Variants in SIPA1L3 observed in about 807,000 individuals in gnomAD.
SIPA1L3 encodes signal-induced proliferation-associated 1-like protein 3.
SIPA1L3 carries 59 observed loss-of-function variants against 150.1 expected under a neutral mutation model. That is an observed-to-expected ratio of 0.39 (90% CI 0.32 to 0.49). SIPA1L3 has a LOEUF of 0.49. SIPA1L3 is among the 20% of genes least tolerant of loss of function. SIPA1L3 has a pLI of 0.86. For synonymous variants in SIPA1L3, 1,070 were observed against 1,077.6 expected (o/e 0.99, Z 0.14); for missense variants, 2,211 against 2,489.5 (o/e 0.89, Z 2.38).
At chr19:38,182,992 TGC>T (rs1216558220) in intron 16 of SIPA1L3, 6 of 449,282 alleles carry the variant, frequency 1.3e-5, no homozygotes, top group Non-Finnish European at 2.4e-5. Context: ...GTTATCCTTG[TGC>T]CATATCCGGG....
intron 1 of SIPA1L3, among the ~76,000 whole-genome samples, chr19:37,918,855 A>G (rs2046434302): frequency 6.6e-6 from 1 of 151,126 alleles, no homozygotes; most frequent in Non-Finnish European, 1.5e-5. Flanking sequence ...TGGGCGGCAG[A>G]GCGAGACTCG....
chr19:38,102,389 A>C (rs1321217116), intron 6 of SIPA1L3, among the ~76,000 whole-genome samples: 5 of 151,650 alleles, frequency 3.3e-5, no homozygotes, highest in African/African-American at 1.2e-4. Context: ...TGTTACCCAG[A>C]CTGGTCTCAA....
At chr19:38,202,399 C>T (rs1973107042) in intron 20 of SIPA1L3, among the ~76,000 whole-genome samples, 1 of 151,822 alleles carries the variant, frequency 6.6e-6, no homozygotes, top group Admixed American at 6.6e-5. Context: ...ACCAGCCTGA[C>T]CAACATGGTG....
At chr19:38,039,459 T>A in intron 2 of SIPA1L3, among the ~76,000 whole-genome samples, 1 of 151,798 alleles carries the variant, frequency 6.6e-6, no homozygotes. Context: ...TTTGGGAGGC[T>A]GAGGCGGGTG....
At chr19:37,974,890 A>C (rs189841256) in intron 1 of SIPA1L3, among the ~76,000 whole-genome samples, 146 of 152,256 alleles carry the variant, frequency 9.6e-4, no homozygotes, top group African/African-American at 3.4e-3. Context: ...AGGGTAGTTA[A>C]TTTGTGGCCA....
At chr19:38,147,164 C>T (rs920331774) in intron 12 of SIPA1L3, among the ~76,000 whole-genome samples, 2 of 151,994 alleles carry the variant, frequency 1.3e-5, no homozygotes, top group African/African-American at 2.4e-5. Context: ...CAGGTTCAAG[C>T]GATTCTCATG....
Position 38,082,557 on chromosome 19 carries a change from G to T in SIPA1L3, c.992G>T (p.Ser331Ile). ...ADEGRSPPEA[S>I]RPWVCQKSFA... Reference sequence around the variant, plus strand: ...GAGGGCCGGAGCCCCCCGGAAGCCAGCAGGCCGTGGGTGTGTCAGAAGAGC... The same window carrying T: ...GAGGGCCGGAGCCCCCCGGAAGCCATCAGGCCGTGGGTGTGTCAGAAGAGC... The change falls in exon 3 of 22, where the codon AGC (serine) becomes ATC (isoleucine). Residue 331 changes from serine to isoleucine, a missense_variant. By Grantham distance (142) the Ser-to-Ile change is moderately radical. Coordinates refer to ENST00000222345, the MANE Select transcript of SIPA1L3 (RefSeq NM_015073.3). The T allele has an allele frequency of 6.2e-7, 1 of 1,602,120 alleles. No individual in the cohort carries two copies.
intron 8 of SIPA1L3, among the ~76,000 whole-genome samples, chr19:38,111,819 C>G (rs2145879164): frequency 6.6e-6 from 1 of 152,344 alleles, no homozygotes; most frequent in East Asian, 1.9e-4. Flanking sequence ...GCACCTCAGG[C>G]CCTTTTTGGG....
intron 9 of SIPA1L3, among the ~76,000 whole-genome samples, chr19:38,127,185 T>C (rs1971196473): frequency 6.6e-6 from 1 of 151,686 alleles, no homozygotes; most frequent in African/African-American, 2.4e-5. Flanking sequence ...AGAGCGAAAC[T>C]CCGTCTCAAA....
intron 7 of SIPA1L3, among the ~76,000 whole-genome samples, chr19:38,108,850 G>A (rs529187077): frequency 2.2e-4 from 33 of 152,198 alleles, no homozygotes; most frequent in South Asian, 4.2e-4. Flanking sequence ...TTAACTGGGC[G>A]TGGTGGCGCA....
At chr19:37,954,304 T>C (rs353407) in intron 1 of SIPA1L3, among the ~76,000 whole-genome samples, 46,742 of 152,040 alleles carry the variant, frequency 0.31, 8,910 homozygotes, top group East Asian at 0.68. Context: ...AGTTTCATGT[T>C]TGGCAGAAAG....
At position 38,100,961 on chromosome 19, in the gene SIPA1L3, C is replaced by A. The variant is rs908580678; in HGVS notation, c.1855-91C>A. 10 of 1,393,806 alleles carry A rather than the reference C, an allele frequency of 7.2e-6. No homozygotes were observed. The South Asian group carries it at 1.6e-4, about 22-fold the overall frequency. 86.3% of individuals were successfully genotyped at this position (1,393,806 alleles called of 1,614,324 possible). ...GTTCCCGAGTGGTCCCAGCAGCTCC[C>A]AGGGCCTCAGGCCTCAGACATACCC... is the stretch of plus-strand genomic sequence containing the variant. On this transcript the variant is annotated intron_variant, in intron 5 of 21. Transcript: ENST00000222345.
intron 1 of SIPA1L3, among the ~76,000 whole-genome samples, chr19:38,008,290 C>CA (rs1270660517): frequency 6.6e-5 from 8 of 121,856 alleles, no homozygotes; most frequent in Non-Finnish European, 1.3e-4. Context: ...TGCAGTGGTG[C>CA]AATCTCAGCT....
At chr19:37,955,513 C>A (rs1430408609) in intron 1 of SIPA1L3, among the ~76,000 whole-genome samples, 2 of 152,164 alleles carry the variant, frequency 1.3e-5, no homozygotes, top group Non-Finnish European at 2.9e-5. Flanking sequence ...CATCTTGTAC[C>A]TCTTTGCAGG....
intron 6 of SIPA1L3, among the ~76,000 whole-genome samples, chr19:38,102,147 A>G (rs1970518553): frequency 6.6e-6 from 1 of 151,126 alleles, no homozygotes; most frequent in African/African-American, 2.4e-5. Context: ...CCTAGGTTCA[A>G]GGAGTTCTCC....
In SIPA1L3 at chr19:38,201,938, C is replaced by T. The variant is rs1973097051; in HGVS notation, c.5061C>T (p.Val1687=). The change falls in exon 20 of 22, where the codon GTC becomes GTT. Residue 1687 remains valine, a synonymous_variant. Coordinates refer to ENST00000222345, the MANE Select transcript of SIPA1L3 (RefSeq NM_015073.3). The part of the protein sequence containing the change: ...SPDIPPAHSP[V]HSHLSLERGP... ...ACATCCCGCCTGCACACAGTCCTGT[C>T]CACAGCCACCTGAGCCTGGAGAGGG... is the stretch of plus-strand genomic sequence containing the variant. The T allele has an allele frequency of 1.9e-6, 3 of 1,614,046 alleles. No individual in the cohort carries two copies. The highest frequency in any genetic ancestry group is 2.5e-6 in the Non-Finnish European group (3 of 1,179,962).
At chr19:38,146,599 C>A (rs1415591600) in intron 12 of SIPA1L3, among the ~76,000 whole-genome samples, 1 of 152,112 alleles carries the variant, frequency 6.6e-6, no homozygotes, top group Non-Finnish European at 1.5e-5. Context: ...CAATTGCTTA[C>A]CGTATGGTAA....
At chr19:38,084,458 T>C (rs1220806847) in intron 3 of SIPA1L3, among the ~76,000 whole-genome samples, 5 of 151,172 alleles carry the variant, frequency 3.3e-5, no homozygotes, top group African/African-American at 1.2e-4. Flanking sequence ...TACTTGCACT[T>C]AGTGGCCACA....
intron 2 of SIPA1L3, among the ~76,000 whole-genome samples, chr19:38,064,138 G>T (rs960445461): frequency 6.6e-6 from 1 of 152,246 alleles, no homozygotes; most frequent in African/African-American, 2.4e-5. Context: ...TCATTAGAGC[G>T]AATAGGACTG....
Sources: gnomAD v4.1 joint callset for allele counts (sites outside exome capture counted in the v4.1 genomes callset) on GRCh38, gnomAD v4.1.1 for gene constraint, MANE v1.5 for transcripts, NCBI Gene and HGNC (gene_info 2026-07-23, HGNC 2026-07-21) for gene names.